The following CAMTA1 variants were observed in gnomAD, a reference collection of about 807,000 sequenced individuals.
CAMTA1 encodes calmodulin-binding transcription activator 1.
CAMTA1 carries 27 observed loss-of-function variants against 170.9 expected under a neutral mutation model. That is an observed-to-expected ratio of 0.16 (90% CI 0.12 to 0.22). The LOEUF (loss-of-function observed/expected upper bound fraction) is 0.22. Ranked by LOEUF, CAMTA1 falls within the 10% of genes least tolerant of loss-of-function variation. The pLI is 1.00. For missense variants in CAMTA1, 1,619 were observed against 2,217.2 expected (o/e 0.73, Z 5.42); for synonymous variants, 833 against 891.5 (o/e 0.93, Z 1.17).
rs934440248 is a variant in CAMTA1, at chr1:7,251,541, T to G, written c.438+1915T>G. 6.6e-6 allele frequency among the ~76,000 whole-genome samples: 1 copy of G among 152,124 alleles called. No homozygotes were observed. Among genetic ancestry groups the G allele is most frequent in the African/African-American group, 2.4e-5 (1 of 41,402 alleles). On this transcript the variant is annotated intron_variant, in intron 5 of 22. Transcript: ENST00000303635. The surrounding 1 kb of genome is among the most constrained non-coding windows in gnomAD (Gnocchi z 5.1). ...AGAGGCCACCTACTATGATGCATTA[T>G]GTGGTGGCCTTGCCCGTGAGCTCAG...
At position 7,663,772 on chromosome 1, in the gene CAMTA1, G is replaced by A. The variant is rs755075511; in HGVS notation, c.1225G>A (p.Val409Met). 1.4e-5 allele frequency: 22 copies of A among 1,613,936 alleles called. No homozygotes were observed. The Admixed American group carries it at 1.8e-4, about 13-fold the overall frequency. Residue 409 changes from valine (V) to methionine (M), a missense_variant, in exon 9 of 23, where the codon GTG becomes ATG. Val to Met is a conservative substitution (Grantham distance 21). Transcript: ENST00000303635. ...VFMSEVTNEA[V>M]YTMSPTAGPN... ...CATGTCAGAGGTCACCAATGAGGCC[G>A]TGTACACCATGTCCCCCACCGCTGG...
chr1:6,857,786 G>C (rs1030536578), intron 3 of CAMTA1, among the ~76,000 whole-genome samples: 25 of 152,122 alleles, frequency 1.6e-4, no homozygotes, highest in Admixed American at 1.6e-3. Context: ...TTCTAAAGTG[G>C]GGACACTGAA....
At chr1:6,815,075 C>T (rs752407174) in intron 1 of CAMTA1, among the ~76,000 whole-genome samples, 3 of 151,904 alleles carry the variant, frequency 2.0e-5, no homozygotes, top group South Asian at 2.1e-4. Context: ...ATCATCTGTC[C>T]CTTGTTTTAA....
At chr1:7,643,558 G>C (rs2095782425) in intron 7 of CAMTA1, among the ~76,000 whole-genome samples, 1 of 152,214 alleles carries the variant, frequency 6.6e-6, no homozygotes, top group Non-Finnish European at 1.5e-5. Context: ...GGCTGGGTGG[G>C]AGGAATTAGG....
chr1:6,993,238 T>G (rs540982778), intron 3 of CAMTA1, among the ~76,000 whole-genome samples: 1 of 152,340 alleles, frequency 6.6e-6, no homozygotes, highest in East Asian at 1.9e-4. Context: ...CTTGTCAATT[T>G]CTATTAAAAA....
chr1:7,238,308 A>T (rs1439618010), intron 4 of CAMTA1, among the ~76,000 whole-genome samples: 1 of 152,188 alleles, frequency 6.6e-6, no homozygotes, highest in East Asian at 1.9e-4. Flanking sequence ...GAAGTCAGAT[A>T]GTCTGGATTT....
rs1218719125 is a variant in CAMTA1, at chr1:7,325,618, TG to T, written c.438+75996del. Among the ~76,000 whole-genome samples, 2 of 152,042 alleles carry T rather than the reference TG, an allele frequency of 1.3e-5. No homozygotes were observed. Among genetic ancestry groups the T allele is most frequent in the Non-Finnish European group, 2.9e-5 (2 of 67,994 alleles). On this transcript the variant is annotated intron_variant, in intron 5 of 22. Coordinates refer to ENST00000303635, the MANE Select transcript of CAMTA1 (RefSeq NM_015215.4). This position sits in a 1 kb window ranked among gnomAD's most constrained non-coding sequence, Gnocchi z 5.0. ...CACAGATTTCCTAATGGAACAGAGA[TG>T]GGGTAGAGTCAAGCTTTTTTCTGCA...
At chr1:7,506,486 TAA>T (rs766499009) in intron 6 of CAMTA1, among the ~76,000 whole-genome samples, 1 of 151,732 alleles carries the variant, frequency 6.6e-6, no homozygotes, top group Non-Finnish European at 1.5e-5. Flanking sequence ...AAATTCACAC[TAA>T]CACTTCATAC....
intron 16 of CAMTA1, among the ~76,000 whole-genome samples, chr1:7,741,383 G>A (rs539999276): frequency 2.4e-4 from 37 of 152,064 alleles, no homozygotes; most frequent in Non-Finnish European, 4.3e-4. Flanking sequence ...CTAACACGGT[G>A]AAACCCCGTC....
chr1:7,444,012 G>A (rs1176442056), intron 5 of CAMTA1, among the ~76,000 whole-genome samples: 1 of 152,166 alleles, frequency 6.6e-6, no homozygotes, highest in African/African-American at 2.4e-5. Flanking sequence ...GAAGCTGGAG[G>A]AGTTTGCGGA....
In CAMTA1 at chr1:7,680,796, C is replaced by T. The variant is rs1333107930; in HGVS notation, c.2914+3063C>T. ...TTGATCTAAAACATGAATTTGTTTG[C>T]TTGGCTAAAGGCCGGGGGGGGGCGT... On this transcript the variant is annotated intron_variant, in intron 11 of 22. Coordinates refer to ENST00000303635, the MANE Select transcript of CAMTA1 (RefSeq NM_015215.4). The surrounding 1 kb of genome is among the most constrained non-coding windows in gnomAD (Gnocchi z 4.4). 4.0e-5 allele frequency among the ~76,000 whole-genome samples: 5 copies of T among 124,172 alleles called. No individual in the cohort carries two copies. The East Asian group carries it at 8.1e-4, about 20-fold the overall frequency. 81.5% of individuals were successfully genotyped at this position (124,172 alleles called of 152,430 possible).
chr1:7,615,972 C>G (rs2095556198), intron 6 of CAMTA1, among the ~76,000 whole-genome samples: 2 of 152,210 alleles, frequency 1.3e-5, no homozygotes, highest in South Asian at 4.1e-4. Flanking sequence ...CTGTGAAAAC[C>G]TAACAAGATA....
chr1:7,631,354 G>A (rs572823527), intron 6 of CAMTA1, among the ~76,000 whole-genome samples: 1 of 152,302 alleles, frequency 6.6e-6, no homozygotes, highest in South Asian at 2.1e-4. Flanking sequence ...ACAGAGCCCT[G>A]GGGCAGTGGT....
intron 4 of CAMTA1, among the ~76,000 whole-genome samples, chr1:7,141,545 A>G (rs1645889743): frequency 6.6e-6 from 1 of 152,154 alleles, no homozygotes; most frequent in African/African-American, 2.4e-5. Flanking sequence ...AAGACATAGA[A>G]GGGCACACTA....
intron 3 of CAMTA1, chr1:6,853,030 T>C (rs917287917): frequency 6.6e-6 from 1 of 152,322 alleles, no homozygotes; most frequent in South Asian, 2.1e-4. Flanking sequence ...AGACCAAATA[T>C]ATGTTTCTTA....
At chr1:7,011,464 C>T (rs1207633053) in intron 3 of CAMTA1, among the ~76,000 whole-genome samples, 1 of 152,158 alleles carries the variant, frequency 6.6e-6, no homozygotes, top group Non-Finnish European at 1.5e-5. Flanking sequence ...CTCTGAGACC[C>T]TTCGCCCTCC....
chr1:6,796,409 A>AT (rs1018742523), intron 1 of CAMTA1, among the ~76,000 whole-genome samples: 6 of 152,154 alleles, frequency 3.9e-5, no homozygotes, highest in African/African-American at 1.4e-4. Flanking sequence ...GAGTGCTGGG[A>AT]TTACAGGCGT....
At chr1:7,350,408 G>T (rs1408285272) in intron 5 of CAMTA1, among the ~76,000 whole-genome samples, 1 of 152,210 alleles carries the variant, frequency 6.6e-6, no homozygotes, top group African/African-American at 2.4e-5. Flanking sequence ...ATAGTTGCAG[G>T]TTTGGATGAG....
intron 5 of CAMTA1, among the ~76,000 whole-genome samples, chr1:7,313,448 C>T (rs1410283733): frequency 6.6e-6 from 1 of 152,204 alleles, no homozygotes; most frequent in Non-Finnish European, 1.5e-5. Context: ...ACGGCTTTGC[C>T]TGAGAGCTGC....
Sources: allele counts gnomAD v4.1 joint callset (sites outside exome capture counted in the v4.1 genomes callset), GRCh38; gene constraint gnomAD v4.1.1; non-coding constraint Gnocchi (gnomAD v3.1); transcripts MANE v1.5; gene names NCBI Gene and HGNC (gene_info 2026-07-23, HGNC 2026-07-21).